Variants in DGKB observed in about 807,000 individuals in gnomAD.
The protein encoded by DGKB is 90 kDa diacylglycerol kinase.
In DGKB, 67 loss-of-function variants were observed where a neutral mutation model predicts 114.3. That is an observed-to-expected ratio of 0.59 (90% confidence interval 0.48 to 0.72). DGKB has a LOEUF of 0.72. DGKB is among the 30% of genes least tolerant of loss of function. DGKB has a pLI of 0.00. For missense variants in DGKB, 907 were observed against 975.2 expected, an observed-to-expected ratio of 0.93 and a Z score of 0.93; for synonymous variants, 398 against 323.1, an observed-to-expected ratio of 1.23 and a Z score of -2.49.
At position 14,617,772 on chromosome 7, in the gene DGKB, C is replaced by T. The variant is rs545351100; in HGVS notation, c.1284+3606G>A. Among the ~76,000 whole-genome samples, 3 of 151,726 alleles carry T rather than the reference C, an allele frequency of 2.0e-5. No homozygotes were observed. In the South Asian group the frequency reaches 6.2e-4, roughly 31 times the overall value. ...CTTACTGACCCTAGGCATATACTTACCTTAGGGTTGTCCATTCCCCATATA... is the reference window on the plus strand; with the variant it reads ...CTTACTGACCCTAGGCATATACTTATCTTAGGGTTGTCCATTCCCCATATA... On this transcript the variant is annotated intron_variant, in intron 15 of 25. Transcript: ENST00000402815.
At chr7:14,414,516 A>G (rs1440772429) in intron 21 of DGKB, among the ~76,000 whole-genome samples, 1 of 152,208 alleles carries the variant, frequency 6.6e-6, no homozygotes, top group Non-Finnish European at 1.5e-5. Flanking sequence ...AGCTTGGAGA[A>G]GTCATTTAAT....
At chr7:14,974,556 T>A (rs757632257) in intron 1 of DGKB, 6 of 152,210 alleles carry the variant, frequency 3.9e-5, no homozygotes, top group Non-Finnish European at 7.4e-5. Flanking sequence ...GAATTGTACT[T>A]TAAGTGCAAA....
At chr7:14,670,958 G>C (rs1368192858) in intron 13 of DGKB, among the ~76,000 whole-genome samples, 3 of 152,096 alleles carry the variant, frequency 2.0e-5, no homozygotes, top group East Asian at 3.9e-4. Context: ...TTTTAGCATA[G>C]TCTCTGGGAT....
intron 20 of DGKB, among the ~76,000 whole-genome samples, chr7:14,491,733 C>T (rs371181746): frequency 5.9e-4 from 89 of 152,058 alleles, no homozygotes; most frequent in African/African-American, 1.9e-3. Context: ...AACAAAATAT[C>T]GTTGATTGAT....
At chr7:14,726,960 T>C (rs1011563368) in intron 5 of DGKB, among the ~76,000 whole-genome samples, 8 of 152,198 alleles carry the variant, frequency 5.3e-5, no homozygotes, top group Non-Finnish European at 7.3e-5. Context: ...TCCAACACCA[T>C]TGCATATTTT....
At chr7:14,470,950 C>A (rs568328001) in intron 21 of DGKB, among the ~76,000 whole-genome samples, 4 of 151,022 alleles carry the variant, frequency 2.6e-5, no homozygotes, top group African/African-American at 7.3e-5. Context: ...AAATATTTGG[C>A]TTTGATATAG....
intron 20 of DGKB, among the ~76,000 whole-genome samples, chr7:14,508,055 A>G (rs542432237): frequency 6.3e-4 from 96 of 152,332 alleles, no homozygotes; most frequent in Non-Finnish European, 1.2e-3. Context: ...CTTTACCCAG[A>G]TGACTTCTCA....
intron 23 of DGKB, among the ~76,000 whole-genome samples, chr7:14,197,406 C>G (rs1269979139): frequency 1.3e-5 from 2 of 151,070 alleles, no homozygotes; most frequent in African/African-American, 4.9e-5. Context: ...AAAAAAAAAG[C>G]AAAGTTCCTC....
At chr7:14,196,169 G>A (rs1231554738) in intron 23 of DGKB, among the ~76,000 whole-genome samples, 1 of 152,182 alleles carries the variant, frequency 6.6e-6, no homozygotes, top group Middle Eastern at 3.4e-3. Context: ...GAGTTTTGCT[G>A]TTAATGCAGG....
intron 20 of DGKB, among the ~76,000 whole-genome samples, chr7:14,520,389 TC>T (rs1335789801): frequency 1.3e-5 from 2 of 151,742 alleles, no homozygotes; most frequent in Non-Finnish European, 2.9e-5. Context: ...AGTTTGCTTT[TC>T]TTTTTATGAT....
At chr7:14,578,880 G>A (rs12674445) in intron 19 of DGKB, among the ~76,000 whole-genome samples, 189 of 152,172 alleles carry the variant, frequency 1.2e-3, no homozygotes, top group East Asian at 7.9e-3. Context: ...TGACAAATAG[G>A]TTCCTGCATT....
intron 9 of DGKB, among the ~76,000 whole-genome samples, chr7:14,688,640 C>T (rs6944222): frequency 0.58 from 88,339 of 151,990 alleles, 26,420 homozygotes; most frequent in East Asian, 0.88. Context: ...TGTTCAGGTC[C>T]GTGTTTATGA....
At chr7:14,895,725 G>A (rs1424936070) in intron 1 of DGKB, among the ~76,000 whole-genome samples, 8 of 151,546 alleles carry the variant, frequency 5.3e-5, no homozygotes, top group Non-Finnish European at 1.0e-4. Flanking sequence ...CGTGGTATAA[G>A]TAAGTACTTC....
intron 1 of DGKB, among the ~76,000 whole-genome samples, chr7:14,869,715 C>G (rs1317056670): frequency 6.6e-6 from 1 of 151,980 alleles, no homozygotes; most frequent in Non-Finnish European, 1.5e-5. Context: ...CTTCTCTATT[C>G]TATACTTAAG....
intron 1 of DGKB, among the ~76,000 whole-genome samples, chr7:14,862,970 A>C (rs1261936546): frequency 1.3e-5 from 2 of 152,174 alleles, no homozygotes; most frequent in African/African-American, 4.8e-5. Flanking sequence ...GCCTTTCGAC[A>C]GAACTCATTT....
intron 20 of DGKB, among the ~76,000 whole-genome samples, chr7:14,546,386 C>T (rs984723816): frequency 6.6e-6 from 1 of 152,076 alleles, no homozygotes; most frequent in Non-Finnish European, 1.5e-5. Context: ...TCAACATTAT[C>T]TCTCCTCTTC....
chr7:14,801,070 T>A (rs1842086436), intron 2 of DGKB, among the ~76,000 whole-genome samples: 2 of 152,220 alleles, frequency 1.3e-5, no homozygotes, highest in African/African-American at 4.8e-5. Context: ...TTGTTATGAA[T>A]AAGTGTATGT....
intron 20 of DGKB, among the ~76,000 whole-genome samples, chr7:14,531,789 A>T (rs1414213544): frequency 6.6e-6 from 1 of 151,420 alleles, no homozygotes; most frequent in Non-Finnish European, 1.5e-5. Flanking sequence ...AACTTTCTAC[A>T]GAAGCTATAG....
chr7:14,391,511 G>GAA (rs71033994), intron 21 of DGKB, among the ~76,000 whole-genome samples: 7 of 139,382 alleles, frequency 5.0e-5, no homozygotes, highest in Admixed American at 2.9e-4. Context: ...GTCTACAAAA[G>GAA]AAAAAAAAAT....
Sources: allele counts gnomAD v4.1 joint callset (sites outside exome capture counted in the v4.1 genomes callset), GRCh38; gene constraint gnomAD v4.1.1; transcripts MANE v1.5; gene names NCBI Gene and HGNC (gene_info 2026-07-23, HGNC 2026-07-21).